Variants in HSPA12A observed in about 807,000 individuals in gnomAD.
The protein encoded by HSPA12A is heat shock protein family A (Hsp70) member 12A.
A neutral mutation model predicts 69.2 loss-of-function variants in HSPA12A; 28 were observed. The observed-to-expected ratio is 0.40, with a 90% CI of 0.30 to 0.55. The LOEUF is 0.55. Among genes scored for constraint, HSPA12A ranks in the 20% least tolerant of loss-of-function variants. HSPA12A has a pLI of 0.38. For synonymous variants in HSPA12A, 345 were observed against 370.5 expected (o/e 0.93, Z 0.79); for missense variants, 686 against 900.7 (o/e 0.76, Z 3.05).
At chr10:116,749,731 G>A (rs782011863) in intron 2 of HSPA12A, among the ~76,000 whole-genome samples, 1 of 152,178 alleles carries the variant, frequency 6.6e-6, no homozygotes, top group Non-Finnish European at 1.5e-5. Flanking sequence ...CACTATTCCC[G>A]AGTTTTTTAA....
At chr10:116,826,689 G>A (rs1564832674) in intron 2 of HSPA12A, among the ~76,000 whole-genome samples, 1 of 152,210 alleles carries the variant, frequency 6.6e-6, no homozygotes, top group Non-Finnish European at 1.5e-5. Flanking sequence ...TCTACTGTGT[G>A]ATACCCCCAG....
chr10:116,813,128 G>A (rs1845227557), intron 2 of HSPA12A, among the ~76,000 whole-genome samples: 1 of 152,082 alleles, frequency 6.6e-6, no homozygotes, highest in African/African-American at 2.4e-5. Flanking sequence ...TGGAGGACCT[G>A]GAAGGCTACA....
In HSPA12A at chr10:116,818,575, G is replaced by A. The variant is rs1034902992; in HGVS notation, c.91+16360C>T. 4.6e-5 allele frequency among the ~76,000 whole-genome samples: 7 copies of A among 152,284 alleles called. No individual in the cohort carries two copies. The South Asian group carries it at 1.2e-3, about 27-fold the overall frequency. ...GTTCTTTTCCCTGCTCTGCTCAGCT[G>A]CTTGATGCAAACTGTAATGGCAGTG... On this transcript the variant is annotated intron_variant, in intron 2 of 12. Coordinates refer to the HSPA12A transcript ENST00000635765.
intron 2 of HSPA12A, chr10:116,830,108 A>G (rs17809748): frequency 0.012 from 1,894 of 152,340 alleles, 25 homozygotes; most frequent in Non-Finnish European, 0.019. Flanking sequence ...CTGAGACAAT[A>G]CACATGGAAA....
intron 4 of HSPA12A, among the ~76,000 whole-genome samples, chr10:116,700,634 G>A (rs1372794968): frequency 3.3e-5 from 5 of 152,126 alleles, no homozygotes; most frequent in African/African-American, 1.2e-4. Flanking sequence ...ACAGCAGGAG[G>A]GCCCCAGCAC....
chr10:116,736,686 A>C (rs1202701743), intron 1 of HSPA12A, among the ~76,000 whole-genome samples: 1 of 152,182 alleles, frequency 6.6e-6, no homozygotes, highest in East Asian at 1.9e-4. Context: ...GCCACGATCC[A>C]AGGAATGCAG....
chr10:116,674,905 G>T lies in HSPA12A; in HGVS notation c.1904C>A (p.Ala635Glu). ...RLDLTGTSGT[A>E]VPARREIQTL... ...CTGGATCTCCCTCCGGGCGGGCACC[G>T]CAGTGCCACTGGTCCCTGTGAGATC... The change falls in exon 12 of 12, where the codon GCG (alanine) becomes GAG (glutamate). Residue 635 changes from alanine to glutamate, a missense_variant. Ala to Glu is a moderately radical substitution (Grantham distance 107). Coordinates refer to ENST00000369209, the MANE Select transcript of HSPA12A (RefSeq NM_025015.3). 6.2e-7 allele frequency: 1 copy of T among 1,614,136 alleles called. No individual in the cohort carries two copies. The highest frequency in any genetic ancestry group is 8.5e-7 in the Non-Finnish European group (1 of 1,180,046).
chr10:116,742,350 G>A, intron 1 of HSPA12A, 80 bp downstream of exon 1: 1 of 1,339,632 alleles, frequency 7.5e-7, no homozygotes, highest in Admixed American at 3.2e-5. Flanking sequence ...GCGCGAGGGG[G>A]TGCGGAGCGT....
chr10:116,702,897 TGG>T (rs1362397415), intron 3 of HSPA12A, among the ~76,000 whole-genome samples: 1 of 152,198 alleles, frequency 6.6e-6, no homozygotes, highest in Non-Finnish European at 1.5e-5. Flanking sequence ...TGAACTATGG[TGG>T]TGCTTCATAA....
At chr10:116,818,122 C>G (rs1048550735) in intron 2 of HSPA12A, among the ~76,000 whole-genome samples, 3 of 152,196 alleles carry the variant, frequency 2.0e-5, no homozygotes, top group African/African-American at 2.4e-5. Context: ...AGGGGCCTCT[C>G]CAACTAGGAA....
intron 10 of HSPA12A, among the ~76,000 whole-genome samples, chr10:116,676,970 G>A (rs1302551910): frequency 6.6e-6 from 1 of 152,160 alleles, no homozygotes; most frequent in Non-Finnish European, 1.5e-5. Flanking sequence ...ATTCTACTAG[G>A]TGGCCCTCAC....
intron 1 of HSPA12A, among the ~76,000 whole-genome samples, chr10:116,712,197 G>T (rs1022583875): frequency 3.3e-5 from 5 of 152,168 alleles, no homozygotes; most frequent in Non-Finnish European, 7.3e-5. Context: ...CTAGTGAGCA[G>T]AAAATCTTTT....
At chr10:116,835,939 A>G (rs1408566660) in intron 1 of HSPA12A, among the ~76,000 whole-genome samples, 1 of 152,192 alleles carries the variant, frequency 6.6e-6, no homozygotes, top group African/African-American at 2.4e-5. Context: ...TTTGGGGCAG[A>G]AAGAGAGTGA....
chr10:116,771,970 C>T (rs547787276), intron 2 of HSPA12A, among the ~76,000 whole-genome samples: 1 of 152,288 alleles, frequency 6.6e-6, no homozygotes, highest in Admixed American at 6.5e-5. Flanking sequence ...CTGAACAGTC[C>T]CCACCGTATT....
At chr10:116,691,603 A>G (rs564464214) in intron 6 of HSPA12A, among the ~76,000 whole-genome samples, 1 of 152,310 alleles carries the variant, frequency 6.6e-6, no homozygotes, top group South Asian at 2.1e-4. Flanking sequence ...CCAGGGGCTT[A>G]AGTGCAACAG....
chr10:116,801,484 C>G (rs1412816677), intron 2 of HSPA12A, among the ~76,000 whole-genome samples: 10 of 152,088 alleles, frequency 6.6e-5, no homozygotes, highest in Non-Finnish European at 1.5e-4. Flanking sequence ...CGAGGGGGTT[C>G]ACAGGGAAGT....
intron 1 of HSPA12A, among the ~76,000 whole-genome samples, chr10:116,741,810 C>T (rs1383441010): frequency 6.6e-6 from 1 of 152,208 alleles, no homozygotes; most frequent in Non-Finnish European, 1.5e-5. Flanking sequence ...ATCGAACCCC[C>T]GCCGCTTCAC....
intron 2 of HSPA12A, among the ~76,000 whole-genome samples, chr10:116,804,225 C>A (rs1036961558): frequency 6.6e-6 from 1 of 152,168 alleles, no homozygotes; most frequent in Non-Finnish European, 1.5e-5. Context: ...GACGAATCTG[C>A]TCGCTTGTGG....
chr10:116,816,772 C>CT (rs1845314632), intron 2 of HSPA12A, among the ~76,000 whole-genome samples: 1 of 152,182 alleles, frequency 6.6e-6, no homozygotes, highest in South Asian at 2.1e-4. Context: ...TTAAAATTGC[C>CT]TGGAGCCCTC....
Sources: allele counts gnomAD v4.1 joint callset (sites outside exome capture counted in the v4.1 genomes callset), GRCh38; gene constraint gnomAD v4.1.1; transcripts MANE v1.5; gene names NCBI Gene and HGNC (gene_info 2026-07-23, HGNC 2026-07-21).